Variants in RIMS1 observed in about 807,000 individuals in gnomAD.
RIMS1 encodes regulating synaptic membrane exocytosis 1, also known as regulating synaptic membrane exocytosis protein 1.
A neutral mutation model predicts 214.1 loss-of-function variants in RIMS1; 83 were observed. The ratio of observed to expected loss-of-function variants is 0.39; its 90% CI spans 0.32 to 0.47. The LOEUF is 0.47. Among genes scored for constraint, RIMS1 ranks in the 20% least tolerant of loss-of-function variants. RIMS1 has a pLI of 0.99. For missense variants in RIMS1, 2,050 were observed against 2,161.8 expected (o/e 0.95, Z 1.03); for synonymous variants, 793 against 786.8 (o/e 1.01, Z -0.13).
rs1029287129 is a variant in RIMS1, at chr6:71,899,684, C to G, written c.164+12497C>G. On this transcript the variant is annotated intron_variant, in intron 1 of 33. Coordinates refer to ENST00000521978, the MANE Select transcript of RIMS1 (RefSeq NM_014989.7). ...CTTGCATTACCTTTTGCACCCACAGCCCTTTCTGTGGATTTTATGGCAGTG... is the reference window on the plus strand; with the variant it reads ...CTTGCATTACCTTTTGCACCCACAGGCCTTTCTGTGGATTTTATGGCAGTG... 3.9e-5 allele frequency among the ~76,000 whole-genome samples: 6 copies of G among 152,060 alleles called. No individual in the cohort carries two copies. The East Asian group carries it at 9.6e-4, about 24-fold the overall frequency.
At position 72,390,700 on chromosome 6, in the gene RIMS1, C is replaced by T; in HGVS notation, c.4469C>T (p.Thr1490Ile). The T allele has an allele frequency of 6.2e-7, 1 of 1,613,926 alleles. No homozygotes were observed. The highest frequency in any genetic ancestry group is 8.5e-7 in the Non-Finnish European group (1 of 1,179,808). The change falls in exon 30 of 34, where the codon ACT becomes ATT. Residue 1490 changes from threonine to isoleucine, a missense_variant. This residue lies in a region of RIMS1 where 121 missense variants were observed against 187.3 expected (regional missense o/e 0.65). Coordinates refer to ENST00000521978, the MANE Select transcript of RIMS1 (RefSeq NM_014989.7). ...KMVRQPSRES[T>I]DGSINSYSSE... The stretch of plus-strand genomic sequence containing the variant: ...GTAAGGCAGCCGAGCCGAGAGTCTA[C>T]TGATGGCAGCATCAACAGTTACAGC...
intron 29 of RIMS1, among the ~76,000 whole-genome samples, chr6:72,334,547 A>G (rs1045771135): frequency 2.0e-5 from 3 of 151,882 alleles, no homozygotes; most frequent in Admixed American, 2.0e-4. Context: ...GGCCAGACAG[A>G]TTAGATTATT....
chr6:72,332,063 A>G (rs1433861019), intron 28 of RIMS1, among the ~76,000 whole-genome samples: 1 of 151,780 alleles, frequency 6.6e-6, no homozygotes, highest in Non-Finnish European at 1.5e-5. Flanking sequence ...CTCTCATTAT[A>G]TATATGACAA....
rs2098832403 is a variant in RIMS1 at position 72,401,052 on chromosome 6, T to A, written c.*338T>A. ...AATTGAACAAACTGGAAACTCTCAC[T>A]CTGTGAAAAGTTGTATTCTACACAT... On this transcript the variant is annotated 3_prime_UTR_variant, in exon 34 of 34. Transcript: ENST00000521978. 9.0e-6 allele frequency: 2 copies of A among 223,098 alleles called. No homozygotes were observed. The highest frequency in any genetic ancestry group is 1.8e-5 in the Non-Finnish European group (2 of 110,220). The allele number at this position is 223,098 out of a possible 1,614,324, so 13.8% of individuals were successfully genotyped here.
At chr6:71,934,789 T>A (rs1476806273) in intron 1 of RIMS1, among the ~76,000 whole-genome samples, 3 of 152,178 alleles carry the variant, frequency 2.0e-5, no homozygotes, top group Non-Finnish European at 2.9e-5. Context: ...ATATTAAATA[T>A]CTGAAGCACA....
rs187659286 is a variant in RIMS1 at position 72,083,009 on chromosome 6, G to C, written c.246-13940G>C. Among the ~76,000 whole-genome samples, 47 of 152,284 alleles carry C rather than the reference G, an allele frequency of 3.1e-4. No individual in the cohort carries two copies. The East Asian group carries it at 8.9e-3, about 29-fold the overall frequency. ...TAAAAATGTAAGGTAATGATACTTT[G>C]TCAAAGTAATGTTGAAAGCTCCCCT... On this transcript the variant is annotated intron_variant, in intron 2 of 33. Coordinates refer to ENST00000521978, the MANE Select transcript of RIMS1 (RefSeq NM_014989.7).
At chr6:72,395,645 C>T (rs574869392) in intron 31 of RIMS1, among the ~76,000 whole-genome samples, 41 of 151,780 alleles carry the variant, frequency 2.7e-4, no homozygotes, top group Admixed American at 9.2e-4. Context: ...GTTATAAGAC[C>T]GAGCAGAAAA....
At chr6:72,330,523 G>A (rs149036835) in intron 28 of RIMS1, among the ~76,000 whole-genome samples, 1 of 151,618 alleles carries the variant, frequency 6.6e-6, no homozygotes, top group Non-Finnish European at 1.5e-5. Flanking sequence ...AGTTTTAGTG[G>A]TGCATAAAGT....
chr6:72,350,762 A>G (rs186016285), intron 29 of RIMS1, among the ~76,000 whole-genome samples: 61 of 152,308 alleles, frequency 4.0e-4, no homozygotes, highest in African/African-American at 1.3e-3. Flanking sequence ...ACTAAGTAGT[A>G]TATCAACAGG....
chr6:71,957,708 C>G (rs1161704368), intron 1 of RIMS1, among the ~76,000 whole-genome samples: 1 of 150,410 alleles, frequency 6.6e-6, no homozygotes, highest in Non-Finnish European at 1.5e-5. Context: ...CCCTCAAGAA[C>G]ACTAAATGAC....
chr6:72,195,990 A>G (rs2050793294), intron 6 of RIMS1, among the ~76,000 whole-genome samples: 1 of 152,012 alleles, frequency 6.6e-6, no homozygotes, highest in South Asian at 2.1e-4. Flanking sequence ...TGAGAACAGC[A>G]TGGGGGACAC....
intron 10 of RIMS1, among the ~76,000 whole-genome samples, chr6:72,244,077 AAG>A (rs2068251170): frequency 6.6e-6 from 1 of 151,662 alleles, no homozygotes; most frequent in Admixed American, 6.6e-5. Flanking sequence ...TTAAAGGAAA[AAG>A]AAAATATTTA....
chr6:72,006,633 G>A (rs906151435), intron 2 of RIMS1, among the ~76,000 whole-genome samples: 4 of 152,302 alleles, frequency 2.6e-5, no homozygotes, highest in South Asian at 2.1e-4. Flanking sequence ...CCCTAACACT[G>A]CGCTTTTCCA....
At chr6:72,251,722 C>G (rs917398975) in intron 15 of RIMS1, among the ~76,000 whole-genome samples, 3 of 151,066 alleles carry the variant, frequency 2.0e-5, no homozygotes, top group Non-Finnish European at 3.0e-5. Context: ...TTTTTTCTCC[C>G]CCCACCGAGA....
chr6:72,341,224 G>T (rs367815635), intron 29 of RIMS1, among the ~76,000 whole-genome samples: 77 of 152,116 alleles, frequency 5.1e-4, no homozygotes, highest in Middle Eastern at 3.4e-3. Context: ...CATGTCATCT[G>T]CAAACAGGGA....
At chr6:72,254,730 C>T (rs1038439081) in intron 16 of RIMS1, among the ~76,000 whole-genome samples, 3 of 152,102 alleles carry the variant, frequency 2.0e-5, no homozygotes, top group Admixed American at 6.6e-5. Context: ...ACATGGATAA[C>T]GCCTTGTGAG....
chr6:72,332,501 C>T (rs1285118850), intron 28 of RIMS1, among the ~76,000 whole-genome samples: 1 of 122,250 alleles, frequency 8.2e-6, no homozygotes, highest in Non-Finnish European at 1.6e-5. Context: ...CACATGGACA[C>T]AGGAAGGGGA....
chr6:71,947,102 C>CATATTAGTTA (rs1276221833), intron 1 of RIMS1, among the ~76,000 whole-genome samples: 18 of 152,086 alleles, frequency 1.2e-4, no homozygotes, highest in Admixed American at 9.8e-4. Context: ...TCACTTTACA[C>CATATTAGTTA]CGTTAAAATG....
At chr6:72,333,151 G>A (rs370628573) in intron 28 of RIMS1, among the ~76,000 whole-genome samples, 77 of 151,952 alleles carry the variant, frequency 5.1e-4, no homozygotes, top group Middle Eastern at 3.4e-3. Flanking sequence ...AACAAATACT[G>A]TTTTCATTTC....
Sources: gnomAD v4.1 joint callset for allele counts (sites outside exome capture counted in the v4.1 genomes callset) on GRCh38, gnomAD v4.1.1 for gene constraint, gnomAD v4.1.1 regional missense constraint, MANE v1.5 for transcripts, NCBI Gene and HGNC (gene_info 2026-07-23, HGNC 2026-07-21) for gene names.